Variants in MGAT4C observed in about 807,000 individuals in gnomAD.
MGAT4C encodes the protein alpha-1,3-mannosyl-glycoprotein 4-beta-N-acetylglucosaminyltransferase C.
MGAT4C carries 19 observed loss-of-function variants against 40.1 expected under a neutral mutation model. The observed-to-expected ratio is 0.47, with a 90% CI of 0.33 to 0.70. The LOEUF is 0.70. Ranked by LOEUF, MGAT4C falls within the 30% of genes least tolerant of loss-of-function variation. The pLI is 0.02. For synonymous variants in MGAT4C, 181 were observed against 187.1 expected, an observed-to-expected ratio of 0.97 and a Z score of 0.27; for missense variants, 491 against 563.2, an observed-to-expected ratio of 0.87 and a Z score of 1.30.
In MGAT4C at chr12:86,295,569, G is replaced by C. The variant is rs532537976; in HGVS notation, c.-57+38496C>G. Reference sequence around the variant, plus strand: ...AGAGCGAAACAACAATGCTTCCACAGTGTGGAAGGGGACCCCAGCAGGTTG... The same window carrying C: ...AGAGCGAAACAACAATGCTTCCACACTGTGGAAGGGGACCCCAGCAGGTTG... On this transcript the variant is annotated intron_variant, in intron 4 of 7. Transcript: ENST00000548651. Among the ~76,000 whole-genome samples the C allele has an allele frequency of 5.3e-5, 8 of 152,272 alleles. No individual in the cohort carries two copies. In the South Asian group the frequency reaches 1.0e-3, roughly 20 times the overall value.
chr12:86,230,683 A>G (rs182425642), intron 1 of MGAT4C, among the ~76,000 whole-genome samples: 1 of 152,192 alleles, frequency 6.6e-6, no homozygotes, highest in East Asian at 1.9e-4. Context: ...AATAAATTGC[A>G]CTTTCATATG....
At chr12:86,127,930 T>C (rs964197129) in intron 1 of MGAT4C, among the ~76,000 whole-genome samples, 2 of 152,166 alleles carry the variant, frequency 1.3e-5, no homozygotes, top group African/African-American at 4.8e-5. Flanking sequence ...ACAGTTAGCT[T>C]TTTAAAAAAA....
chr12:86,386,687 G>A (rs1956058664), intron 3 of MGAT4C, among the ~76,000 whole-genome samples: 1 of 152,182 alleles, frequency 6.6e-6, no homozygotes, highest in Admixed American at 6.5e-5. Context: ...ATTCAAACAA[G>A]TTAATATTTT....
In MGAT4C at chr12:85,957,172, T is replaced by C. The variant is rs1882837930; in HGVS notation, c.*22117A>G. 1 of 152,206 alleles carries C rather than the reference T, an allele frequency of 6.6e-6. No individual in the cohort carries two copies. Among genetic ancestry groups the C allele is most frequent in the African/African-American group, 2.4e-5 (1 of 41,480 alleles). The allele number at this position is 152,206 out of a possible 1,614,324, so 9.4% of individuals were successfully genotyped here. On this transcript the variant is annotated 3_prime_UTR_variant, in exon 5 of 5. Coordinates refer to ENST00000611864, the MANE Select transcript of MGAT4C (RefSeq NM_001351288.2). The stretch of plus-strand genomic sequence containing the variant: ...ACTCAGTTGTTTATAAAAGAAATAG[T>C]AATAACATGCTACCTGGGCTAAAAG...
rs148139356 is a variant in MGAT4C at position 86,328,137 on chromosome 12, A to G, written c.-57+5928T>C. 4.6e-5 allele frequency among the ~76,000 whole-genome samples: 7 copies of G among 152,340 alleles called. No individual in the cohort carries two copies. The East Asian group carries it at 1.3e-3, about 29-fold the overall frequency. ...ATTTAGCTTTATAAATGTTTAATGT[A>G]CCATTATATGTACCAATACCAATAA... On this transcript the variant is annotated intron_variant, in intron 4 of 7. Coordinates refer to the MGAT4C transcript ENST00000548651.
intron 2 of MGAT4C, among the ~76,000 whole-genome samples, chr12:86,656,442 A>G (rs1963852655): frequency 6.6e-6 from 1 of 152,080 alleles, no homozygotes; most frequent in South Asian, 2.1e-4. Context: ...ATGGTAGGCT[A>G]ACAAGTATGA....
chr12:86,007,693 G>A (rs1307084731), intron 2 of MGAT4C, among the ~76,000 whole-genome samples: 1 of 152,042 alleles, frequency 6.6e-6, no homozygotes, highest in Non-Finnish European at 1.5e-5. Context: ...TATCAAAGGT[G>A]AACAGTATTT....
chr12:86,108,796 T>G (rs1403390939), intron 1 of MGAT4C, among the ~76,000 whole-genome samples: 2 of 152,162 alleles, frequency 1.3e-5, no homozygotes, highest in Non-Finnish European at 1.5e-5. Context: ...TAGCTCCTCT[T>G]ATAACCTGTT....
rs187461879 is a variant in MGAT4C, at chr12:86,198,780, A to G, written c.-57+57459T>C. Reference sequence around the variant, plus strand: ...CCTGTAATGCTCAAAATGCCAATACATCTTCATTTACCGGTTGAAAATTCC... The same window carrying G: ...CCTGTAATGCTCAAAATGCCAATACGTCTTCATTTACCGGTTGAAAATTCC... On this transcript the variant is annotated intron_variant, in intron 1 of 4. Coordinates refer to ENST00000611864, the MANE Select transcript of MGAT4C (RefSeq NM_001351288.2). Among the ~76,000 whole-genome samples the G allele has an allele frequency of 2.4e-3, 372 of 152,264 alleles. 2 individuals carry two copies. Among genetic ancestry groups the G allele is most frequent in the African/African-American group, 8.6e-3 (357 of 41,554 alleles).
Position 86,743,075 on chromosome 12 carries a change from T to C in MGAT4C, c.-261-15834A>G, listed in dbSNP as rs960673648. Among the ~76,000 whole-genome samples, 3 of 149,700 alleles carry C rather than the reference T, an allele frequency of 2.0e-5. No individual in the cohort carries two copies. The Admixed American group carries it at 2.0e-4, about 10-fold the overall frequency. On this transcript the variant is annotated intron_variant, in intron 1 of 7. Coordinates refer to the MGAT4C transcript ENST00000548651. ...GTGTGTATGTGTATGTGTGTATGCATGTGTGTATGTGTGTATGTGTGTGTA... is the reference window on the plus strand; with the variant it reads ...GTGTGTATGTGTATGTGTGTATGCACGTGTGTATGTGTGTATGTGTGTGTA...
At chr12:86,461,767 A>G (rs1379718858) in intron 2 of MGAT4C, among the ~76,000 whole-genome samples, 1 of 152,202 alleles carries the variant, frequency 6.6e-6, no homozygotes, top group Non-Finnish European at 1.5e-5. Flanking sequence ...TTAACAGTTT[A>G]ACAAAATGGG....
Position 86,820,194 on chromosome 12 carries a change from C to A in MGAT4C, c.-262+18472G>T, listed in dbSNP as rs1034966565. Among the ~76,000 whole-genome samples, 33 of 150,502 alleles carry A rather than the reference C, an allele frequency of 2.2e-4. 1 individual carries two copies. The highest frequency in any genetic ancestry group is 2.1e-4 in the South Asian group (1 of 4,800). On this transcript the variant is annotated intron_variant, in intron 1 of 7. Coordinates refer to the MGAT4C transcript ENST00000548651. ...AATATAAATATATGTATTTTTTCTA[C>A]CTTTATTATAATGGGCAATTTTCTA...
At chr12:86,410,133 A>G (rs779333988) in intron 3 of MGAT4C, among the ~76,000 whole-genome samples, 8 of 150,318 alleles carry the variant, frequency 5.3e-5, no homozygotes, top group Non-Finnish European at 1.0e-4. Flanking sequence ...CTGATGAGGG[A>G]CTATGTTCGG....
At chr12:86,123,111 C>A (rs1421836409) in intron 1 of MGAT4C, among the ~76,000 whole-genome samples, 2 of 152,088 alleles carry the variant, frequency 1.3e-5, no homozygotes, top group African/African-American at 4.8e-5. Flanking sequence ...ATGCAAAGTG[C>A]CGACCCTCCC....
intron 1 of MGAT4C, among the ~76,000 whole-genome samples, chr12:86,808,317 A>G (rs997514653): frequency 2.0e-5 from 3 of 152,086 alleles, no homozygotes; most frequent in Admixed American, 2.0e-4. Flanking sequence ...TGGCAGAGAT[A>G]TACAACAAAA....
At chr12:86,284,572 T>C (rs946612760) in intron 4 of MGAT4C, among the ~76,000 whole-genome samples, 1 of 152,002 alleles carries the variant, frequency 6.6e-6, no homozygotes, top group African/African-American at 2.4e-5. Flanking sequence ...TTATTATGAC[T>C]TAATTATAGT....
chr12:86,250,332 A>ACT (rs1952219893), intron 1 of MGAT4C, among the ~76,000 whole-genome samples: 1 of 2,716 alleles, frequency 3.7e-4, no homozygotes, highest in African/African-American at 1.4e-3. Flanking sequence ...ACACACACTG[A>ACT]GAGAGAGAGA....
In MGAT4C at chr12:85,998,810, C is replaced by A. The variant is rs533295290; in HGVS notation, c.-6-9258G>T. Among the ~76,000 whole-genome samples, 4 of 152,242 alleles carry A rather than the reference C, an allele frequency of 2.6e-5. No homozygotes were observed. In the South Asian group the frequency reaches 8.3e-4, roughly 32 times the overall value. ...AAGTTCCAAAATTTTCCATGTTTTT[C>A]TATCTTCTTCTGAGCCCCCCAAACT... On this transcript the variant is annotated intron_variant, in intron 2 of 4. Coordinates refer to ENST00000611864, the MANE Select transcript of MGAT4C (RefSeq NM_001351288.2).
intron 2 of MGAT4C, among the ~76,000 whole-genome samples, chr12:86,025,160 C>G (rs748215757): frequency 6.6e-6 from 1 of 151,318 alleles, no homozygotes; most frequent in Non-Finnish European, 1.5e-5. Flanking sequence ...AATATTTCAG[C>G]TTATCTTTTT....
Sources: allele counts gnomAD v4.1 joint callset (sites outside exome capture counted in the v4.1 genomes callset), GRCh38; gene constraint gnomAD v4.1.1; transcripts MANE v1.5; gene names NCBI Gene and HGNC (gene_info 2026-07-23, HGNC 2026-07-21).